Variants in DOCK3 observed in about 807,000 individuals in gnomAD.
DOCK3 encodes dedicator of cytokinesis 3.
Under a neutral mutation model 265.6 loss-of-function variants are expected in DOCK3, and 60 were observed. The observed-to-expected ratio is 0.23, with a 90% CI of 0.18 to 0.28. The LOEUF (loss-of-function observed/expected upper bound fraction) is 0.28. Ranked by LOEUF, DOCK3 falls within the 10% of genes least tolerant of loss-of-function variation. DOCK3 has a pLI of 1.00. For synonymous variants in DOCK3, 881 were observed against 938.0 expected, an observed-to-expected ratio of 0.94 and a Z score of 1.11; for missense variants, 1,981 against 2,594.3, an observed-to-expected ratio of 0.76 and a Z score of 5.14.
chr3:51,373,361 G>C (rs2087835117), intron 49 of DOCK3, among the ~76,000 whole-genome samples: 1 of 152,204 alleles, frequency 6.6e-6, no homozygotes, highest in Non-Finnish European at 1.5e-5. Context: ...GGACACCCCA[G>C]AGAGGGGTTT....
intron 24 of DOCK3, among the ~76,000 whole-genome samples, chr3:51,273,490 C>T (rs1225950991): frequency 6.6e-6 from 1 of 152,216 alleles, no homozygotes; most frequent in African/African-American, 2.4e-5. Context: ...TCTTCTTCAG[C>T]AGGTTCTAGT....
intron 21 of DOCK3, among the ~76,000 whole-genome samples, chr3:51,244,212 A>G (rs1453936035): frequency 1.5e-5 from 1 of 68,072 alleles, no homozygotes; most frequent in African/African-American, 5.4e-5. Context: ...CCATATTAGG[A>G]TGGATTTTTT....
intron 5 of DOCK3, among the ~76,000 whole-genome samples, chr3:50,969,299 G>C (rs944972082): frequency 2.6e-5 from 4 of 151,988 alleles, no homozygotes; most frequent in African/African-American, 9.7e-5. Flanking sequence ...AGCCACTTCT[G>C]CTTACTTTTG....
At chr3:51,123,201 G>T (rs896339352) in intron 9 of DOCK3, among the ~76,000 whole-genome samples, 1 of 152,078 alleles carries the variant, frequency 6.6e-6, no homozygotes, top group African/African-American at 2.4e-5. Flanking sequence ...CACTAGCCCT[G>T]CCCATGGTTT....
Position 51,090,394 on chromosome 3 carries a change from A to C in DOCK3, c.746+10A>C, listed in dbSNP as rs1456076711. The C allele has an allele frequency of 6.3e-7, 1 of 1,598,892 alleles. No individual in the cohort carries two copies. Among genetic ancestry groups the C allele is most frequent in the African/African-American group, 1.3e-5 (1 of 74,744 alleles). On this transcript the variant is annotated intron_variant, in intron 9 of 52. Transcript: ENST00000266037. ...AAGGCAAGCAGATCAGGTGAGAGTC[A>C]CTGGAAATTCTGGTGAGGTTCTATG...
At chr3:50,919,612 CT>C (rs1216726388) in intron 4 of DOCK3, among the ~76,000 whole-genome samples, 8 of 152,142 alleles carry the variant, frequency 5.3e-5, no homozygotes, top group Non-Finnish European at 1.5e-5. Flanking sequence ...TATCCTGAGA[CT>C]TTGCTGAAGT....
At position 51,018,717 on chromosome 3, in the gene DOCK3, A is replaced by G. The variant is rs962490892; in HGVS notation, c.316-45731A>G. Among the ~76,000 whole-genome samples the G allele has an allele frequency of 2.6e-5, 4 of 151,992 alleles. No homozygotes were observed. In the South Asian group the frequency reaches 8.3e-4, roughly 31 times the overall value. Reference sequence around the variant, plus strand: ...TAATAGTTTTAGACCTGAAACAAAGATAACAGGTATGGCATTTTCCACTTG... The same window carrying G: ...TAATAGTTTTAGACCTGAAACAAAGGTAACAGGTATGGCATTTTCCACTTG... On this transcript the variant is annotated intron_variant, in intron 5 of 52. Transcript: ENST00000266037.
At chr3:50,849,094 G>A (rs1399653639) in intron 3 of DOCK3, among the ~76,000 whole-genome samples, 1 of 152,000 alleles carries the variant, frequency 6.6e-6, no homozygotes, top group Non-Finnish European at 1.5e-5. Context: ...GAGTACAGTG[G>A]TGTGATCATG....
At chr3:51,089,758 T>C (rs2082565841) in intron 8 of DOCK3, among the ~76,000 whole-genome samples, 1 of 151,518 alleles carries the variant, frequency 6.6e-6, no homozygotes, top group South Asian at 2.1e-4. Context: ...AAAAATTAGC[T>C]GGGCATGATG....
intron 27 of DOCK3, among the ~76,000 whole-genome samples, chr3:51,295,013 C>G (rs1484641273): frequency 6.6e-6 from 1 of 152,052 alleles, no homozygotes; most frequent in East Asian, 1.9e-4. Flanking sequence ...TAATTATATA[C>G]AATTATTATT....
intron 23 of DOCK3, among the ~76,000 whole-genome samples, chr3:51,269,112 TCTC>T (rs2080354936): frequency 1.3e-5 from 2 of 148,390 alleles, no homozygotes; most frequent in Non-Finnish European, 3.0e-5. Flanking sequence ...TCTCTCTCTC[TCTC>T]ACTGTCTCTC....
rs1057263452 is a variant in DOCK3 at position 51,304,496 on chromosome 3, T to C, written c.2923-5736T>C. 7.9e-5 allele frequency among the ~76,000 whole-genome samples: 12 copies of C among 152,152 alleles called. No individual in the cohort carries two copies. The East Asian group carries it at 2.3e-3, about 29-fold the overall frequency. ...GACAGCAGGCAGCTGCAGTGATGGCTGCCAACCCTCACTTGGGGGGAACTC... is the reference window on the plus strand; with the variant it reads ...GACAGCAGGCAGCTGCAGTGATGGCCGCCAACCCTCACTTGGGGGGAACTC... On this transcript the variant is annotated intron_variant, in intron 27 of 52. Coordinates refer to ENST00000266037, the MANE Select transcript of DOCK3 (RefSeq NM_004947.5).
chr3:50,876,808 A>AAC (rs2047722285), intron 3 of DOCK3: 1 of 153,012 alleles, frequency 6.5e-6, no homozygotes, highest in African/African-American at 2.4e-5. Flanking sequence ...CTAGAAGATC[A>AAC]CTGTAACTTC....
At chr3:51,135,532 G>T (rs2084754198) in intron 9 of DOCK3, among the ~76,000 whole-genome samples, 1 of 152,042 alleles carries the variant, frequency 6.6e-6, no homozygotes, top group African/African-American at 2.4e-5. Context: ...ACTGTCTCCG[G>T]GAATCCTTTC....
intron 9 of DOCK3, among the ~76,000 whole-genome samples, chr3:51,119,502 A>G (rs762294188): frequency 2.6e-5 from 4 of 152,062 alleles, no homozygotes; most frequent in Non-Finnish European, 2.9e-5. Context: ...CTGAATTTGA[A>G]TGTTGACCTG....
At chr3:50,716,862 C>T (rs2037149625) in intron 1 of DOCK3, among the ~76,000 whole-genome samples, 1 of 151,996 alleles carries the variant, frequency 6.6e-6, no homozygotes, top group Admixed American at 6.6e-5. Flanking sequence ...TGTGATGCTT[C>T]CCTTGCCCAT....
chr3:51,164,209 T>TA lies in DOCK3; in HGVS notation c.1037+3514dup, dbSNP rs200029037. On this transcript the variant is annotated intron_variant, in intron 12 of 52. Coordinates refer to ENST00000266037, the MANE Select transcript of DOCK3 (RefSeq NM_004947.5). The stretch of plus-strand genomic sequence containing the variant: ...AAATCTGTGTAGCTTTGCTCTTTTT[T>TA]AAAAAAATGTCTTTTAACCAATTCT... Among the ~76,000 whole-genome samples, 1,142 of 152,254 alleles carry TA rather than the reference T, an allele frequency of 7.5e-3. 15 individuals are homozygous for TA. Among genetic ancestry groups the TA allele is most frequent in the African/African-American group, 0.026 (1,095 of 41,544 alleles).
chr3:51,058,162 C>T (rs550434862), intron 5 of DOCK3, among the ~76,000 whole-genome samples: 28 of 152,232 alleles, frequency 1.8e-4, no homozygotes, highest in African/African-American at 6.0e-4. Flanking sequence ...CCTCAGCTCC[C>T]AAGAACATGC....
At chr3:50,874,067 T>G (rs1454317439) in intron 3 of DOCK3, among the ~76,000 whole-genome samples, 1 of 107,652 alleles carries the variant, frequency 9.3e-6, no homozygotes, top group Non-Finnish European at 1.7e-5. Flanking sequence ...TTTTCTTTTG[T>G]TTTTTTTTTT....
Sources: allele counts gnomAD v4.1 joint callset (sites outside exome capture counted in the v4.1 genomes callset), GRCh38; gene constraint gnomAD v4.1.1; transcripts MANE v1.5; gene names NCBI Gene and HGNC (gene_info 2026-07-23, HGNC 2026-07-21).